Variants in OSBPL5 observed in about 807,000 individuals in gnomAD.
OSBPL5 encodes oxysterol binding protein like 5.
In OSBPL5, 71 loss-of-function variants were observed where a neutral mutation model predicts 111.2. That is an observed-to-expected ratio of 0.64 (90% CI 0.53 to 0.78). The LOEUF (loss-of-function observed/expected upper bound fraction) is 0.78. Among genes scored for constraint, OSBPL5 ranks in the 30% least tolerant of loss-of-function variants. OSBPL5 has a pLI of 0.00. For missense variants in OSBPL5, 1,210 were observed against 1,189.3 expected (o/e 1.02, Z -0.26); for synonymous variants, 549 against 513.9 (o/e 1.07, Z -0.93).
chr11:3,093,591 G>C lies in OSBPL5; in HGVS notation c.1882C>G (p.Arg628Gly), dbSNP rs756351120. The stretch of plus-strand genomic sequence containing the variant: ...GTGTGCTGCCTCAGCCTCTGTCTGC[G>C]GACCTCCCCGCTCGGGGTCCAGAAA... ...ALFWTPSGEV[R>G]RQRLRQHTVP... Residue 628 changes from arginine (R) to glycine (G), a missense_variant, in exon 17 of 22, where the codon CGC becomes GGC. Coordinates refer to ENST00000263650, the MANE Select transcript of OSBPL5 (RefSeq NM_020896.4). 1.2e-6 allele frequency: 2 copies of C among 1,612,518 alleles called. No homozygotes were observed. Among genetic ancestry groups the C allele is most frequent in the South Asian group, 2.2e-5 (2 of 91,086 alleles).
In OSBPL5 at chr11:3,122,041, C is replaced by G; in HGVS notation, c.358G>C (p.Ala120Pro). 6.3e-7 allele frequency: 1 copy of G among 1,582,752 alleles called. No homozygotes were observed. Among genetic ancestry groups the G allele is most frequent in the Non-Finnish European group, 8.6e-7 (1 of 1,169,040 alleles). Residue 120 changes from alanine to proline, a missense_variant, in exon 5 of 22, where the codon GCT (alanine) becomes CCT (proline). Ala to Pro is a conservative substitution (Grantham distance 27). Transcript: ENST00000263650. ...ATGACCACGCTGGGGTCTGTCAGAG[C>G]GCTGAGCAGCTGCCGTGTGGCGCGC... Reference protein sequence around the residue: ...KKRATRQLLSALTDPSVVIMA... With the variant: ...KKRATRQLLSPLTDPSVVIMA...
In OSBPL5 at chr11:3,107,659, G is replaced by A. The variant is rs1420325730; in HGVS notation, c.866+112C>T. The A allele has an allele frequency of 1.7e-5, 25 of 1,457,402 alleles. No individual in the cohort carries two copies. The highest frequency in any genetic ancestry group is 2.2e-5 in the Non-Finnish European group (24 of 1,068,028). The allele number at this position is 1,457,402 out of a possible 1,614,324, so 90.3% of individuals were successfully genotyped here. On this transcript the variant is annotated intron_variant, in intron 8 of 21. Transcript: ENST00000263650. The surrounding 1 kb of genome is among the most constrained non-coding windows in gnomAD (Gnocchi z 6.1). ...CACACTGCAGCGAACAAGTCCCTGCGTGCAGCCTGCAGCCCACCAGAGCAG... is the reference window on the plus strand; with the variant it reads ...CACACTGCAGCGAACAAGTCCCTGCATGCAGCCTGCAGCCCACCAGAGCAG...
intron 1 of OSBPL5, among the ~76,000 whole-genome samples, chr11:3,164,900 G>A (rs1286856327): frequency 6.6e-6 from 1 of 152,034 alleles, no homozygotes; most frequent in Non-Finnish European, 1.5e-5. Context: ...CAAGTGGGGA[G>A]CCGAGCTGGG....
At chr11:3,088,370 G>A in intron 21 of OSBPL5, 27 bp from the exon 22 acceptor site, 2 of 1,504,082 alleles carry the variant, frequency 1.3e-6, no homozygotes, top group African/African-American at 1.4e-5. Context: ...CAGATCGTGG[G>A]GGCTGTGCCA....
chr11:3,112,057 A>ATGTGTGTGCATGTG (rs71035484), intron 7 of OSBPL5, among the ~76,000 whole-genome samples: 1 of 118,242 alleles, frequency 8.5e-6, no homozygotes, highest in Non-Finnish European at 1.8e-5. Context: ...ATGTGTGTGC[A>ATGTGTGTGCATGTG]TGTGTATGTG....
At chr11:3,163,050 G>C (rs751887115) in intron 1 of OSBPL5, among the ~76,000 whole-genome samples, 1 of 152,166 alleles carries the variant, frequency 6.6e-6, no homozygotes, top group East Asian at 1.9e-4. Flanking sequence ...CAAAATGACC[G>C]GGATCCTTTT....
At chr11:3,136,720 C>T (rs576828794) in intron 1 of OSBPL5, among the ~76,000 whole-genome samples, 1 of 152,342 alleles carries the variant, frequency 6.6e-6, no homozygotes, top group African/African-American at 2.4e-5. Context: ...TGAGCCCAGA[C>T]CCAGCCCCCT....
At chr11:3,119,392 G>C (rs1266387660) in intron 7 of OSBPL5, among the ~76,000 whole-genome samples, 155 bp downstream of exon 7, 1 of 152,212 alleles carries the variant, frequency 6.6e-6, no homozygotes, top group Admixed American at 6.5e-5. Flanking sequence ...GTGTAGGCCT[G>C]ACTCCGAGCC....
At position 3,112,069 on chromosome 11, in the gene OSBPL5, G is replaced by A. The variant is rs1857997479; in HGVS notation, c.692-4124C>T. Among the ~76,000 whole-genome samples, 9 of 59,856 alleles carry A rather than the reference G, an allele frequency of 1.5e-4. 1 individual carries two copies. The South Asian group carries it at 3.0e-3, about 20-fold the overall frequency. The allele number at this position is 59,856 out of a possible 152,430, so 39.3% of individuals were successfully genotyped here. On this transcript the variant is annotated intron_variant, in intron 7 of 21. Coordinates refer to ENST00000263650, the MANE Select transcript of OSBPL5 (RefSeq NM_020896.4). ...CGCATGTGTGTGCATGTGTATGTGTGTGTGCATGTGTGTGTGCATGTGTGT... is the reference window on the plus strand; with the variant it reads ...CGCATGTGTGTGCATGTGTATGTGTATGTGCATGTGTGTGTGCATGTGTGT...
Position 3,114,591 on chromosome 11 carries a change from A to ACTTTTTTTTTTTTTTTTTTTTTTTT in OSBPL5, c.691+4955_691+4956insAAAAAAAAAAAAAAAAAAAAAAAAG, listed in dbSNP as rs774192603. Among the ~76,000 whole-genome samples, 56 of 113,900 alleles carry ACTTTTTTTTTTTTTTTTTTTTTTTT rather than the reference A, an allele frequency of 4.9e-4. 25 individuals are homozygous for ACTTTTTTTTTTTTTTTTTTTTTTTT. Among genetic ancestry groups the ACTTTTTTTTTTTTTTTTTTTTTTTT allele is most frequent in the African/African-American group, 6.0e-4 (17 of 28,388 alleles). The allele number at this position is 113,900 out of a possible 152,430, so 74.7% of individuals were successfully genotyped here. A position where few individuals can be genotyped will look rare whatever the true frequency, so the allele number is the denominator to read the frequency against. On this transcript the variant is annotated intron_variant, in intron 7 of 21. Coordinates refer to ENST00000263650, the MANE Select transcript of OSBPL5 (RefSeq NM_020896.4). The stretch of plus-strand genomic sequence containing the variant: ...GACTAAAGAATTGGTTAGAACAATG[A>ACTTTTTTTTTTTTTTTTTTTTTTTT]TTTTTTTTTTTTTTTTTTTTTTTTT...
chr11:3,143,404 A>G (rs1002683523), intron 1 of OSBPL5, among the ~76,000 whole-genome samples: 1 of 152,170 alleles, frequency 6.6e-6, no homozygotes, highest in Non-Finnish European at 1.5e-5. Context: ...CCGCGCACGC[A>G]CGCTCCCAGC....
chr11:3,164,815 C>T (rs1013126116), intron 1 of OSBPL5, among the ~76,000 whole-genome samples: 1 of 152,184 alleles, frequency 6.6e-6, no homozygotes, highest in East Asian at 1.9e-4. Flanking sequence ...GGGGACAGAC[C>T]CCCTGATTGG....
At position 3,112,057 on chromosome 11, in the gene OSBPL5, A is replaced by ATGTGTGTGTATGTG. The variant is rs71035484; in HGVS notation, c.692-4113_692-4112insCACATACACACACA. 2.5e-3 allele frequency among the ~76,000 whole-genome samples: 291 copies of ATGTGTGTGTATGTG among 118,242 alleles called. 1 individual carries two copies. The highest frequency in any genetic ancestry group is 3.8e-3 in the Non-Finnish European group (214 of 56,270). The allele number at this position is 118,242 out of a possible 152,430, so 77.6% of individuals were successfully genotyped here. A position where few individuals can be genotyped will look rare whatever the true frequency, so the allele number is the denominator to read the frequency against. On this transcript the variant is annotated intron_variant, in intron 7 of 21. Transcript: ENST00000263650. ...TGTATGTGTGCGCGCATGTGTGTGC[A>ATGTGTGTGTATGTG]TGTGTATGTGTGTGTGCATGTGTGT... is the stretch of plus-strand genomic sequence containing the variant.
chr11:3,144,690 T>A (rs1846277412), intron 1 of OSBPL5, among the ~76,000 whole-genome samples: 1 of 152,218 alleles, frequency 6.6e-6, no homozygotes, highest in Non-Finnish European at 1.5e-5. Flanking sequence ...ATTTTTATAA[T>A]GGGAAAAACA....
intron 7 of OSBPL5, among the ~76,000 whole-genome samples, chr11:3,114,579 G>C (rs1167875047): frequency 7.2e-6 from 1 of 139,054 alleles, no homozygotes; most frequent in Admixed American, 7.3e-5. Flanking sequence ...TAAAGAATTG[G>C]TTAGAACAAT....
rs1327929633 is a variant in OSBPL5 at position 3,093,621 on chromosome 11, C to T, written c.1852G>A (p.Ala618Thr). 3.1e-6 allele frequency: 5 copies of T among 1,613,096 alleles called. No individual in the cohort carries two copies. Among genetic ancestry groups the T allele is most frequent in the Non-Finnish European group, 4.2e-6 (5 of 1,179,960 alleles). The change falls in exon 17 of 22, where the codon GCG becomes ACG. Residue 618 changes from alanine to threonine, a missense_variant. Coordinates refer to ENST00000263650, the MANE Select transcript of OSBPL5 (RefSeq NM_020896.4). ...FIKEEGSGSSALFWTPSGEVR... is the reference protein window; with the variant it reads ...FIKEEGSGSSTLFWTPSGEVR... ...TCCCCGCTCGGGGTCCAGAAAAGCG[C>T]ACTGCTTCCGCTCCCTTCCTCCTTG... is the stretch of plus-strand genomic sequence containing the variant.
chr11:3,144,155 G>A (rs1378039908), intron 1 of OSBPL5, among the ~76,000 whole-genome samples: 2 of 152,164 alleles, frequency 1.3e-5, no homozygotes, highest in Admixed American at 1.3e-4. Context: ...GCTGCATCAG[G>A]ACAGAAACAC....
rs761207518 is a variant in OSBPL5, at chr11:3,094,233, C to A, written c.1719+4G>T. On this transcript the variant is annotated splice_donor_region_variant and intron_variant, in intron 15 of 21. Coordinates refer to ENST00000263650, the MANE Select transcript of OSBPL5 (RefSeq NM_020896.4). ...CGTCTCCCCCAGGCTGCAGCCAGCG[C>A]TACCTTGAGTTTGAATTCCAGCTGG... 40 of 1,613,042 alleles carry A rather than the reference C, an allele frequency of 2.5e-5. No individual in the cohort carries two copies. Among genetic ancestry groups the A allele is most frequent in the Non-Finnish European group, 3.1e-5 (37 of 1,179,822 alleles).
At position 3,128,123 on chromosome 11, in the gene OSBPL5, G is replaced by A. The variant is rs375304476; in HGVS notation, c.136+890C>T. Among the ~76,000 whole-genome samples, 78 of 152,356 alleles carry A rather than the reference G, an allele frequency of 5.1e-4. 1 individual carries two copies. In the South Asian group the frequency reaches 0.015, roughly 28 times the overall value. On this transcript the variant is annotated intron_variant, in intron 2 of 21. Transcript: ENST00000263650. ...GCACCTTCAGCAAGGCCACCTCTAC[G>A]CTGGGACTCCGTTTTTCCATCTATT...
Sources: allele counts gnomAD v4.1 joint callset (sites outside exome capture counted in the v4.1 genomes callset), GRCh38; gene constraint gnomAD v4.1.1; non-coding constraint Gnocchi (gnomAD v3.1); transcripts MANE v1.5; gene names NCBI Gene and HGNC (gene_info 2026-07-23, HGNC 2026-07-21).